RBFOX1: variants seen among roughly 807,000 people sequenced by gnomAD.
The protein encoded by RBFOX1 is RNA binding fox-1 homolog 1.
In RBFOX1, 8 loss-of-function variants were observed where a neutral mutation model predicts 57.7. The observed-to-expected ratio is 0.14, with a 90% CI of 0.08 to 0.25. RBFOX1 has a LOEUF of 0.25. RBFOX1 is among the 10% of genes least tolerant of loss of function. The pLI, the probability that RBFOX1 is intolerant of heterozygous loss-of-function variation, is 1.00. For synonymous variants in RBFOX1, 326 were observed against 222.4 expected (o/e 1.47, Z -4.15); for missense variants, 611 against 548.5 (o/e 1.11, Z -1.14).
At chr16:6,039,292 G>T (rs2095409952) in intron 1 of RBFOX1, among the ~76,000 whole-genome samples, 1 of 149,108 alleles carries the variant, frequency 6.7e-6, no homozygotes, top group East Asian at 2.0e-4. Flanking sequence ...AATTGCAGTT[G>T]GATTGGAATT....
At chr16:5,585,836 A>G (rs1225180227) in intron 2 of RBFOX1, among the ~76,000 whole-genome samples, 3 of 152,240 alleles carry the variant, frequency 2.0e-5, no homozygotes, top group African/African-American at 7.2e-5. Context: ...CGTGTGAAGT[A>G]GAACAAAATT....
rs74717785 is a variant in RBFOX1 at position 7,229,509 on chromosome 16, G to A, written c.27+177411G>A. On this transcript the variant is annotated intron_variant, in intron 4 of 15. Transcript: ENST00000550418. ...TTATGGGAAGGCAGGAAGGAAGGAA[G>A]GGAAAGGAAAGGAGAGGAGAGGGAG... Among the ~76,000 whole-genome samples, 1,094 of 150,610 alleles carry A rather than the reference G, an allele frequency of 7.3e-3. 17 individuals are homozygous for A. The highest frequency in any genetic ancestry group is 0.025 in the African/African-American group (1,012 of 40,838).
At chr16:6,842,184 AAATAAATT>A (rs1355985218) in intron 3 of RBFOX1, among the ~76,000 whole-genome samples, 2 of 145,672 alleles carry the variant, frequency 1.4e-5, no homozygotes, top group East Asian at 4.0e-4. Flanking sequence ...ATAAATAAAT[AAATAAATT>A]GGAACTGAGT....
chr16:5,726,229 C>T (rs12597231), intron 3 of RBFOX1, among the ~76,000 whole-genome samples: 66,649 of 151,690 alleles, frequency 0.44, 18,158 homozygotes, highest in East Asian at 0.8. Context: ...GATGCCTCCC[C>T]GAAATGCAGA....
At chr16:6,518,735 A>G (rs1193511983) in intron 2 of RBFOX1, among the ~76,000 whole-genome samples, 2 of 149,018 alleles carry the variant, frequency 1.3e-5, no homozygotes, top group African/African-American at 2.5e-5. Flanking sequence ...CCATCCATCC[A>G]TCTATCTCTG....
chr16:6,096,960 G>GTT (rs2096252262), intron 1 of RBFOX1, among the ~76,000 whole-genome samples: 3 of 152,056 alleles, frequency 2.0e-5, no homozygotes, highest in Non-Finnish European at 4.4e-5. Flanking sequence ...GTATGGTTTG[G>GTT]CTGTGTCCCA....
Position 7,518,334 on chromosome 16 carries a change from A to T in RBFOX1, c.215A>T (p.His72Leu). 1 of 1,613,496 alleles carries T rather than the reference A, an allele frequency of 6.2e-7. No individual in the cohort carries two copies. Among genetic ancestry groups the T allele is most frequent in the Non-Finnish European group, 8.5e-7 (1 of 1,179,798 alleles). Reference protein sequence around the residue: ...TLNLYPPAQTHSEQSPADTSA... With the variant: ...TLNLYPPAQTLSEQSPADTSA... ...AACCTGTACCCTCCCGCCCAGACGC[A>T]CTCCGAGCAGAGCCCGGCGGACACG... The change falls in exon 5 of 16, where the codon CAC (histidine) becomes CTC (leucine). Residue 72 changes from histidine to leucine, a missense_variant. Coordinates refer to ENST00000550418, the MANE Select transcript of RBFOX1 (RefSeq NM_018723.4).
chr16:7,586,171 C>G (rs1360331926), intron 6 of RBFOX1, among the ~76,000 whole-genome samples: 1 of 152,136 alleles, frequency 6.6e-6, no homozygotes, highest in African/African-American at 2.4e-5. Context: ...GATAAAATTC[C>G]CATTTTATTT....
At position 7,104,749 on chromosome 16, in the gene RBFOX1, C is replaced by T. The variant is rs186167153; in HGVS notation, c.27+52651C>T. ...CTCTAATGTTCATTTTCTTCAACCA[C>T]TTCATCCTTTCTTGAGTATTGCTCT... is the stretch of plus-strand genomic sequence containing the variant. On this transcript the variant is annotated intron_variant, in intron 4 of 15. Coordinates refer to ENST00000550418, the MANE Select transcript of RBFOX1 (RefSeq NM_018723.4). Among the ~76,000 whole-genome samples the T allele has an allele frequency of 1.5e-3, 227 of 152,260 alleles. 2 individuals carry two copies. Among genetic ancestry groups the T allele is most frequent in the South Asian group, 0.013 (65 of 4,826 alleles).
intron 3 of RBFOX1, among the ~76,000 whole-genome samples, chr16:6,750,080 C>T (rs557127845): frequency 1.1e-4 from 17 of 152,168 alleles, no homozygotes; most frequent in Non-Finnish European, 2.2e-4. Flanking sequence ...AGATTTCAGT[C>T]GAGGTGTATA....
chr16:7,247,238 T>G (rs1882583), intron 4 of RBFOX1, among the ~76,000 whole-genome samples: 57,693 of 151,972 alleles, frequency 0.38, 13,790 homozygotes, highest in African/African-American at 0.69. Flanking sequence ...GAGAAACTTC[T>G]ATTGTGCAAA....
At position 5,500,011 on chromosome 16, in the gene RBFOX1, C is replaced by T. The variant is rs74454455; in HGVS notation, c.258+32757C>T. The stretch of plus-strand genomic sequence containing the variant: ...TTTCTCTCTTCCTTTCTCCCATTCT[C>T]GCATTTGCCTAGATCTGTGATCCAT... On this transcript the variant is annotated intron_variant, in intron 2 of 2. Coordinates refer to the RBFOX1 transcript ENST00000585867. 4.1e-3 allele frequency among the ~76,000 whole-genome samples: 623 copies of T among 152,304 alleles called. 8 individuals are homozygous for T. The highest frequency in any genetic ancestry group is 0.013 in the African/African-American group (560 of 41,578).
intron 4 of RBFOX1, among the ~76,000 whole-genome samples, chr16:7,340,476 T>C (rs2096871449): frequency 6.6e-6 from 1 of 152,226 alleles, no homozygotes; most frequent in South Asian, 2.1e-4. Context: ...GTTGCACTAA[T>C]TACAGTCATG....
chr16:7,001,844 C>T (rs949707658), intron 3 of RBFOX1, among the ~76,000 whole-genome samples: 8 of 152,112 alleles, frequency 5.3e-5, no homozygotes, highest in Admixed American at 5.2e-4. Flanking sequence ...ATTACTTTAA[C>T]TCTGTTCAGC....
intron 3 of RBFOX1, among the ~76,000 whole-genome samples, chr16:6,677,879 C>A (rs2058012227): frequency 6.6e-6 from 1 of 152,210 alleles, no homozygotes; most frequent in African/African-American, 2.4e-5. Flanking sequence ...TAGGCTCTTC[C>A]AATTTTAGGA....
intron 4 of RBFOX1, among the ~76,000 whole-genome samples, chr16:7,057,988 A>G (rs568237242): frequency 7.3e-6 from 1 of 137,640 alleles, no homozygotes; most frequent in Admixed American, 7.7e-5. Context: ...AGTCTGGTCG[A>G]CAGAGGGAGA....
chr16:5,966,991 CGGGGG>C lies in RBFOX1; in HGVS notation c.351+99665_351+99669del, dbSNP rs373142050. Among the ~76,000 whole-genome samples the C allele has an allele frequency of 4.9e-4, 15 of 30,658 alleles. 1 individual carries two copies. The highest frequency in any genetic ancestry group is 2.7e-3 in the East Asian group (2 of 750). The allele number at this position is 30,658 out of a possible 152,430, so 20.1% of individuals were successfully genotyped here. The stretch of plus-strand genomic sequence containing the variant: ...CTTAATTGTCTTTCTTGCACTAAAT[CGGGGG>C]GGGGGGGGTCAATAAATGATAGCTC... On this transcript the variant is annotated intron_variant, in intron 4 of 19. Coordinates refer to the RBFOX1 transcript ENST00000641259.
rs182866710 is a variant in RBFOX1, at chr16:6,224,505, A to G, written c.-126-92490A>G. Among the ~76,000 whole-genome samples, 29 of 152,228 alleles carry G rather than the reference A, an allele frequency of 1.9e-4. No homozygotes were observed. The East Asian group carries it at 5.6e-3, about 30-fold the overall frequency. On this transcript the variant is annotated intron_variant, in intron 1 of 15. Transcript: ENST00000550418. ...TCTATGGACCACACTTGGAGTAGTA[A>G]GATGCTCGATTCATTATGTGAGAAC...
chr16:5,456,085 G>A (rs2068622321), intron 1 of RBFOX1, among the ~76,000 whole-genome samples: 1 of 151,810 alleles, frequency 6.6e-6, no homozygotes, highest in South Asian at 2.1e-4. Flanking sequence ...GACAACTAAT[G>A]ATAATATTAT....
Sources: gnomAD v4.1 joint callset for allele counts (sites outside exome capture counted in the v4.1 genomes callset) on GRCh38, gnomAD v4.1.1 for gene constraint, MANE v1.5 for transcripts, NCBI Gene and HGNC (gene_info 2026-07-23, HGNC 2026-07-21) for gene names.